Variants in SOCS4 observed in about 807,000 individuals in gnomAD.
SOCS4 encodes the protein suppressor of cytokine signaling 4, also known as SH2 domain containing SOCS box protein.
SOCS4 carries 20 observed loss-of-function variants against 34.1 expected under a neutral mutation model. The ratio of observed to expected loss-of-function variants is 0.59; its 90% confidence interval spans 0.41 to 0.85. The LOEUF (loss-of-function observed/expected upper bound fraction) is 0.85, where lower values mean the gene tolerates loss of function less well. Ranked by LOEUF, SOCS4 falls within the 40% of genes least tolerant of loss-of-function variation. SOCS4 has a pLI of 0.00. For synonymous variants in SOCS4, 180 were observed against 186.4 expected (o/e 0.97, Z 0.28); for missense variants, 479 against 532.4 (o/e 0.90, Z 0.99).
At chr14:55,027,641 C>G (rs916339981) in intron 1 of SOCS4, 170 bp downstream of exon 1, 1 of 152,256 alleles carries the variant, frequency 6.6e-6, no homozygotes, top group Admixed American at 6.5e-5. Flanking sequence ...GAAAAGAAGG[C>G]GAGATCTTCT....
At chr14:55,034,874 T>C (rs2042558690) in intron 2 of SOCS4, among the ~76,000 whole-genome samples, 2 of 149,774 alleles carry the variant, frequency 1.3e-5, no homozygotes, top group African/African-American at 4.9e-5. Context: ...TTTTTTTTTT[T>C]CCTTGACATG....
intron 2 of SOCS4, among the ~76,000 whole-genome samples, chr14:55,040,892 G>GT (rs746911549): frequency 0.011 from 1,563 of 138,850 alleles, 2 homozygotes; most frequent in Admixed American, 0.014. Context: ...TCACCAGATG[G>GT]TTTTTTTTTT....
intron 2 of SOCS4, among the ~76,000 whole-genome samples, chr14:55,034,099 C>G (rs2042551698): frequency 6.6e-6 from 1 of 152,186 alleles, no homozygotes; most frequent in Non-Finnish European, 1.5e-5. Flanking sequence ...CACTGCTGCA[C>G]TCCACCCTGG....
At chr14:55,042,119 A>C (rs1275127545) in intron 2 of SOCS4, among the ~76,000 whole-genome samples, 1 of 152,158 alleles carries the variant, frequency 6.6e-6, no homozygotes, top group African/African-American at 2.4e-5. Context: ...AAGAATACTT[A>C]AGTAAATTCC....
intron 2 of SOCS4, among the ~76,000 whole-genome samples, chr14:55,041,027 C>T (rs1234243532): frequency 1.3e-5 from 2 of 151,786 alleles, no homozygotes; most frequent in Non-Finnish European, 2.9e-5. Flanking sequence ...GCCGAGACCA[C>T]AGGCGTGCGC....
Position 55,043,906 on chromosome 14 carries a change from G to A in SOCS4, c.865G>A (p.Gly289Arg). The change falls in exon 3 of 3, where the codon GGA becomes AGA. Residue 289 changes from glycine (G) to arginine (R), a missense_variant. Physicochemically the swap from Gly to Arg is moderately radical, Grantham distance 125. Coordinates refer to ENST00000555846, the MANE Select transcript of SOCS4 (RefSeq NM_199421.2). ...LQINNNPCYWGVMDKYAAEAL... is the reference protein window; with the variant it reads ...LQINNNPCYWRVMDKYAAEAL... Reference sequence around the variant, plus strand: ...GATCAATAACAACCCATGTTACTGGGGAGTGATGGATAAATACGCAGCCGA... The same window carrying A: ...GATCAATAACAACCCATGTTACTGGAGAGTGATGGATAAATACGCAGCCGA... The A allele has an allele frequency of 6.2e-7, 1 of 1,614,158 alleles. No individual in the cohort carries two copies. The highest frequency in any genetic ancestry group is 8.5e-7 in the Non-Finnish European group (1 of 1,180,028).
rs1385195491 is a variant in SOCS4, at chr14:55,043,706, G to A, written c.665G>A (p.Ser222Asn). The change falls in exon 3 of 3, where the codon AGT (serine) becomes AAT (asparagine). Residue 222 changes from serine (S) to asparagine (N), a missense_variant. Transcript: ENST00000555846. ...GTGATGAACCTGGTTTCAAATAACA[G>A]TATAGAAGATAGTGATATGGATTCC... ...GSVMNLVSNN[S>N]IEDSDMDSDD... The A allele has an allele frequency of 1.9e-6, 3 of 1,614,014 alleles. No homozygotes were observed. The highest frequency in any genetic ancestry group is 2.5e-6 in the Non-Finnish European group (3 of 1,180,010).
At chr14:55,039,869 C>T (rs762207816) in intron 2 of SOCS4, among the ~76,000 whole-genome samples, 51 of 152,110 alleles carry the variant, frequency 3.4e-4, no homozygotes, top group Non-Finnish European at 6.8e-4. Flanking sequence ...GCACTCCAGC[C>T]CAGGCAACAG....
chr14:55,040,495 A>G (rs894228877), intron 2 of SOCS4, among the ~76,000 whole-genome samples: 12 of 152,244 alleles, frequency 7.9e-5, no homozygotes, highest in Admixed American at 2.6e-4. Flanking sequence ...CTGTAATCCC[A>G]GCACTTTGGG....
rs528544061 is a variant in SOCS4 at position 55,046,409 on chromosome 14, C to A, written c.*2045C>A. On this transcript the variant is annotated 3_prime_UTR_variant, in exon 3 of 3. Coordinates refer to ENST00000555846, the MANE Select transcript of SOCS4 (RefSeq NM_199421.2). ...TTAAATATTTTTCTTTTAAAAATAA[C>A]TTTTTATCAGTACAGAAAAACCTAA... The A allele has an allele frequency of 9.6e-5, 16 of 166,844 alleles. No individual in the cohort carries two copies. The highest frequency in any genetic ancestry group is 3.6e-4 in the African/African-American group (15 of 41,516). 10.3% of individuals were successfully genotyped at this position (166,844 alleles called of 1,614,324 possible).
chr14:55,037,416 C>T (rs530939335), intron 2 of SOCS4, among the ~76,000 whole-genome samples: 7 of 151,984 alleles, frequency 4.6e-5, no homozygotes, highest in East Asian at 2.0e-4. Context: ...GGATTACAGG[C>T]GTGAGCCACC....
chr14:55,029,016 G>A (rs924408485), intron 1 of SOCS4, among the ~76,000 whole-genome samples: 2 of 151,870 alleles, frequency 1.3e-5, no homozygotes, highest in Non-Finnish European at 2.9e-5. Flanking sequence ...GTTTAAAGTG[G>A]GATTTGTTTA....
intron 2 of SOCS4, among the ~76,000 whole-genome samples, chr14:55,033,194 C>A (rs1040166192): frequency 1.3e-5 from 2 of 152,026 alleles, no homozygotes; most frequent in Non-Finnish European, 2.9e-5. Flanking sequence ...CATGTATGGA[C>A]AAGATACGAA....
chr14:55,040,744 A>C (rs1020152631), intron 2 of SOCS4, among the ~76,000 whole-genome samples: 16 of 148,908 alleles, frequency 1.1e-4, no homozygotes, highest in African/African-American at 3.5e-4. Flanking sequence ...ACTCCATCTC[A>C]AAAAAAAAAG....
intron 1 of SOCS4, chr14:55,027,855 A>C (rs538954524): frequency 6.6e-6 from 1 of 152,346 alleles, no homozygotes; most frequent in South Asian, 2.1e-4. Context: ...GATCCCACCT[A>C]AAGTTTACTG....
In SOCS4 at chr14:55,031,893, T is replaced by A. The variant is rs909212980; in HGVS notation, c.-189T>A. The A allele has an allele frequency of 6.6e-6, 1 of 152,236 alleles. No homozygotes were observed. The highest frequency in any genetic ancestry group is 2.4e-5 in the African/African-American group (1 of 41,462). The allele number at this position is 152,236 out of a possible 1,614,324, so 9.4% of individuals were successfully genotyped here. On this transcript the variant is annotated 5_prime_UTR_variant, in exon 2 of 3. Coordinates refer to ENST00000555846, the MANE Select transcript of SOCS4 (RefSeq NM_199421.2). Reference sequence around the variant, plus strand: ...CATCTGTTGTCTGCTCTCCAGTGACTTCCGTTTGTGGAGCCTAAGTGTTTC... The same window carrying A: ...CATCTGTTGTCTGCTCTCCAGTGACATCCGTTTGTGGAGCCTAAGTGTTTC...
At position 55,049,036 on chromosome 14, in the gene SOCS4, A is replaced by G. The variant is rs1307444514; in HGVS notation, c.*4672A>G. 6.0e-6 allele frequency: 1 copy of G among 166,848 alleles called. No homozygotes were observed. Among genetic ancestry groups the G allele is most frequent in the East Asian group, 1.9e-4 (1 of 5,206 alleles). 10.3% of individuals were successfully genotyped at this position (166,848 alleles called of 1,614,324 possible). On this transcript the variant is annotated 3_prime_UTR_variant, in exon 3 of 3. Transcript: ENST00000555846. ...TTGAATTTATGGTTTAGGCTCTGCA[A>G]TTAGAGGAACAATTGCAGTTTCCTC...
intron 1 of SOCS4, among the ~76,000 whole-genome samples, chr14:55,031,310 G>A (rs1317927058): frequency 6.6e-6 from 1 of 152,100 alleles, no homozygotes; most frequent in Non-Finnish European, 1.5e-5. Context: ...TAGCTAATAA[G>A]CTTAGGGAAT....
chr14:55,032,649 C>A (rs2042538108), intron 2 of SOCS4, among the ~76,000 whole-genome samples: 1 of 152,142 alleles, frequency 6.6e-6, no homozygotes, highest in African/African-American at 2.4e-5. Flanking sequence ...GATTCTTTCA[C>A]CTTCTTTTTA....
Sources: allele counts gnomAD v4.1 joint callset (sites outside exome capture counted in the v4.1 genomes callset), GRCh38; gene constraint gnomAD v4.1.1; transcripts MANE v1.5; gene names NCBI Gene and HGNC (gene_info 2026-07-23, HGNC 2026-07-21).